WBP2NL: variants seen among roughly 807,000 people sequenced by gnomAD.
WBP2NL encodes the protein WBP2 N-terminal like, also known as postacrosomal sheath WW domain-binding protein.
WBP2NL carries 27 observed loss-of-function variants against 23.3 expected under a neutral mutation model. The ratio of observed to expected loss-of-function variants is 1.16; its 90% CI spans 0.85 to 1.60. The LOEUF is 1.60. Ranked by LOEUF, WBP2NL falls within the 40% of genes most tolerant of loss-of-function variation. WBP2NL has a pLI of 0.00. For synonymous variants in WBP2NL, 151 were observed against 145.9 expected, an observed-to-expected ratio of 1.03 and a Z score of -0.25; for missense variants, 370 against 389.5, an observed-to-expected ratio of 0.95 and a Z score of 0.42.
At position 42,019,573 on chromosome 22, in the gene WBP2NL, CAGTT is replaced by C. The variant is rs1351666989; in HGVS notation, c.172-86_172-83del. The C allele has an allele frequency of 2.0e-5, 31 of 1,565,662 alleles. 1 individual carries two copies. The highest frequency in any genetic ancestry group is 1.7e-4 in the Middle Eastern group (1 of 5,932). ...TGGTGGAAGAAAAGATGATGTTTCT[CAGTT>C]AGACCAGAATGCACCTTGCTCTTGT... On this transcript the variant is annotated intron_variant, in intron 2 of 5. Coordinates refer to ENST00000328823, the MANE Select transcript of WBP2NL (RefSeq NM_152613.3).
chr22:41,999,324 C>T (rs1197849511), intron 1 of WBP2NL, among the ~76,000 whole-genome samples: 1 of 152,194 alleles, frequency 6.6e-6, no homozygotes, highest in Non-Finnish European at 1.5e-5. Context: ...CCTACTTCCA[C>T]GAACAAGGTG....
At chr22:42,022,468 G>C in intron 5 of WBP2NL, 112 bp downstream of exon 5, 1 of 992,172 alleles carries the variant, frequency 1.0e-6, no homozygotes, top group African/African-American at 1.7e-5. Context: ...AGCTTTAGGG[G>C]CTTGGAAAAT....
downstream of WBP2NL, among the ~76,000 whole-genome samples, chr22:42,033,390 C>T (rs1925063535): frequency 6.6e-6 from 1 of 152,214 alleles, no homozygotes; most frequent in African/African-American, 2.4e-5. Flanking sequence ...GGCTGCAGCT[C>T]TTCTTTTCTT....
chr22:42,018,136 C>T (rs1408919770), intron 1 of WBP2NL, among the ~76,000 whole-genome samples: 2 of 136,310 alleles, frequency 1.5e-5, no homozygotes, highest in African/African-American at 3.0e-5. Flanking sequence ...GGGACAAGAG[C>T]AAGACTTCTC....
intron 8 of WBP2NL, among the ~76,000 whole-genome samples, chr22:42,041,481 TAAAA>T (rs35848343): frequency 4.4e-5 from 5 of 112,822 alleles, no homozygotes; most frequent in African/African-American, 1.1e-4. Flanking sequence ...GTTCTGTCTT[TAAAA>T]AAAAAAAAAA....
chr22:42,000,217 C>G (rs1341112984), intron 1 of WBP2NL, among the ~76,000 whole-genome samples: 2 of 152,196 alleles, frequency 1.3e-5, no homozygotes, highest in African/African-American at 4.8e-5. Flanking sequence ...GGTCTTTCTT[C>G]TATCTTTCCT....
intron 1 of WBP2NL, among the ~76,000 whole-genome samples, chr22:42,009,351 C>T (rs767718861): frequency 2.8e-4 from 42 of 151,924 alleles, no homozygotes; most frequent in Non-Finnish European, 4.4e-4. Flanking sequence ...CTTTTGTTGC[C>T]GGTGCTTTTG....
chr22:42,048,731 G>A (rs1925696078), intron 8 of WBP2NL, among the ~76,000 whole-genome samples: 1 of 150,422 alleles, frequency 6.6e-6, no homozygotes, highest in African/African-American at 2.4e-5. Context: ...ACTCCAGCCT[G>A]GGCGACAGAG....
At position 41,998,851 on chromosome 22, in the gene WBP2NL, C is replaced by T. The variant is rs748879312; in HGVS notation, c.33C>T (p.Arg11=). The part of the protein sequence containing the change: MAVNQSHTEN[R]RGALIPNGES... ...TGAATCAGAGCCACACCGAGAACCG[C>T]CGCGGAGCCCTCATCCCTAACGGTG... is the stretch of plus-strand genomic sequence containing the variant. Residue 11 remains arginine, a synonymous_variant, in exon 1 of 6, where the codon CGC becomes CGT. Coordinates refer to ENST00000328823, the MANE Select transcript of WBP2NL (RefSeq NM_152613.3). The T allele has an allele frequency of 1.2e-6, 2 of 1,612,452 alleles. No homozygotes were observed. Among genetic ancestry groups the T allele is most frequent in the South Asian group, 2.2e-5 (2 of 90,938 alleles).
chr22:42,020,789 T>C (rs1180895873), intron 4 of WBP2NL, among the ~76,000 whole-genome samples: 2 of 146,384 alleles, frequency 1.4e-5, no homozygotes, highest in African/African-American at 2.5e-5. Context: ...ATAGCACTGA[T>C]CTAATGGATG....
downstream of WBP2NL, among the ~76,000 whole-genome samples, chr22:42,033,246 C>T (rs1925056972): frequency 6.6e-6 from 1 of 152,204 alleles, no homozygotes; most frequent in South Asian, 2.1e-4. Context: ...ACCAGTCGCA[C>T]TCCAAGCAGC....
chr22:42,020,598 T>C (rs535248005), intron 4 of WBP2NL, among the ~76,000 whole-genome samples: 1 of 152,210 alleles, frequency 6.6e-6, no homozygotes, highest in Non-Finnish European at 1.5e-5. Flanking sequence ...GATAGTCTTT[T>C]GTCCATTTAA....
chr22:42,026,115 C>CA, intron 5 of WBP2NL, among the ~76,000 whole-genome samples: 1 of 151,370 alleles, frequency 6.6e-6, no homozygotes, highest in African/African-American at 2.4e-5. Flanking sequence ...ACTAAAAATA[C>CA]AAAAAAATTA....
intron 5 of WBP2NL, among the ~76,000 whole-genome samples, chr22:42,022,646 A>C (rs753326848): frequency 4.6e-5 from 7 of 152,218 alleles, no homozygotes; most frequent in Non-Finnish European, 1.0e-4. Flanking sequence ...AGCAGAAAAT[A>C]TATGCTCTTG....
chr22:42,052,308 A>G (rs912051538), intron 8 of WBP2NL, among the ~76,000 whole-genome samples: 1 of 151,566 alleles, frequency 6.6e-6, no homozygotes, highest in African/African-American at 2.4e-5. Context: ...TTTGAGATGG[A>G]GTCTGGCTCT....
intron 1 of WBP2NL, among the ~76,000 whole-genome samples, chr22:42,010,996 G>A (rs186980246): frequency 3.1e-4 from 47 of 152,238 alleles, no homozygotes; most frequent in Admixed American, 7.8e-4. Context: ...TGGTCATAGT[G>A]TATAGTCCTT....
chr22:42,015,940 T>A (rs921598047), intron 1 of WBP2NL, among the ~76,000 whole-genome samples: 1 of 152,140 alleles, frequency 6.6e-6, no homozygotes, highest in Middle Eastern at 3.2e-3. Context: ...GCCCCAGTTG[T>A]CATCCCTTTC....
intron 8 of WBP2NL, among the ~76,000 whole-genome samples, chr22:42,053,488 G>A (rs1186740009): frequency 6.7e-6 from 1 of 149,912 alleles, no homozygotes; most frequent in Non-Finnish European, 1.5e-5. Context: ...TTTAAGACCA[G>A]AGTCACTCTC....
At chr22:42,017,995 C>G (rs936591251) in intron 1 of WBP2NL, among the ~76,000 whole-genome samples, 1 of 151,866 alleles carries the variant, frequency 6.6e-6, no homozygotes, top group African/African-American at 2.4e-5. Context: ...CCAAAAAATA[C>G]AAAAATTAGC....
Sources: gnomAD v4.1 joint callset for allele counts (sites outside exome capture counted in the v4.1 genomes callset) on GRCh38, gnomAD v4.1.1 for gene constraint, MANE v1.5 for transcripts, NCBI Gene and HGNC (gene_info 2026-07-23, HGNC 2026-07-21) for gene names.